The following MCTP1 variants were observed in gnomAD, a reference collection of about 807,000 sequenced individuals.
The protein encoded by MCTP1 is multiple C2 and transmembrane domain containing 1.
A neutral mutation model predicts 120.6 loss-of-function variants in MCTP1; 69 were observed. That is an observed-to-expected ratio of 0.57 (90% CI 0.47 to 0.70). The LOEUF (loss-of-function observed/expected upper bound fraction) is 0.70. MCTP1 is among the 30% of genes least tolerant of loss of function. The pLI, the probability that MCTP1 is intolerant of heterozygous loss-of-function variation, is 0.00. For synonymous variants in MCTP1, 529 were observed against 493.1 expected, an observed-to-expected ratio of 1.07 and a Z score of -0.96; for missense variants, 1,203 against 1,248.8, an observed-to-expected ratio of 0.96 and a Z score of 0.55.
chr5:94,779,357 G>T (rs886896788), intron 18 of MCTP1, among the ~76,000 whole-genome samples, 194 bp from the exon 19 acceptor site: 1 of 152,160 alleles, frequency 6.6e-6, no homozygotes, highest in African/African-American at 2.4e-5. Context: ...CCAAATCCCA[G>T]TTAGGAGAAC....
At chr5:94,773,060 G>T (rs1774443018) in intron 19 of MCTP1, among the ~76,000 whole-genome samples, 2 of 152,158 alleles carry the variant, frequency 1.3e-5, no homozygotes, top group Admixed American at 6.5e-5. Flanking sequence ...AAGTGAGTGG[G>T]CTATCAGTTC....
intron 1 of MCTP1, among the ~76,000 whole-genome samples, chr5:95,138,131 C>A (rs534444499): frequency 6.6e-6 from 1 of 151,658 alleles, no homozygotes; most frequent in African/African-American, 2.4e-5. Context: ...TCAAGTCATG[C>A]TCTTTTCTCA....
At chr5:94,825,736 C>CAT (rs372164216) in intron 17 of MCTP1, among the ~76,000 whole-genome samples, 4,027 of 151,004 alleles carry the variant, frequency 0.027, 65 homozygotes, top group African/African-American at 0.039. Flanking sequence ...GTATTGGGTG[C>CAT]ATATATATAT....
Position 94,821,029 on chromosome 5 carries a change from G to A in MCTP1, c.2437-21897C>T, listed in dbSNP as rs116080261. Among the ~76,000 whole-genome samples the A allele has an allele frequency of 5.4e-3, 825 of 152,198 alleles. 7 individuals are homozygous for A. Among genetic ancestry groups the A allele is most frequent in the African/African-American group, 0.019 (776 of 41,550 alleles). ...CAGCACTGTCAAATAGCTTGCTCAA[G>A]GCCACCCAGCAAGTAAATGGCATTT... is the stretch of plus-strand genomic sequence containing the variant. On this transcript the variant is annotated intron_variant, in intron 17 of 22. Transcript: ENST00000515393.
intron 1 of MCTP1, among the ~76,000 whole-genome samples, chr5:95,095,478 G>A (rs1756188441): frequency 6.6e-6 from 1 of 152,154 alleles, no homozygotes; most frequent in Non-Finnish European, 1.5e-5. Context: ...GAGATCACAG[G>A]GTAAAGAACA....
chr5:95,062,014 G>A (rs536769065), intron 1 of MCTP1, among the ~76,000 whole-genome samples: 2 of 152,298 alleles, frequency 1.3e-5, no homozygotes, highest in Admixed American at 1.3e-4. Context: ...AAGAACTTGA[G>A]ATTCAGAGAG....
chr5:95,154,882 C>T (rs1455285828), intron 1 of MCTP1, among the ~76,000 whole-genome samples: 1 of 151,600 alleles, frequency 6.6e-6, no homozygotes, highest in Non-Finnish European at 1.5e-5. Context: ...TAAGGTTAGC[C>T]TTGATGGATA....
At chr5:94,744,773 G>A (rs887380936) in intron 19 of MCTP1, among the ~76,000 whole-genome samples, 5 of 152,086 alleles carry the variant, frequency 3.3e-5, no homozygotes, top group African/African-American at 9.7e-5. Flanking sequence ...GGCCTCCAAC[G>A]TGCTGGGATT....
chr5:94,864,073 A>C (rs1345171708), intron 17 of MCTP1, among the ~76,000 whole-genome samples: 3 of 151,878 alleles, frequency 2.0e-5, no homozygotes, highest in African/African-American at 7.2e-5. Context: ...GCTTCGATGA[A>C]TTGCCATAGA....
chr5:95,061,408 G>GTTGTTTTTTTTTTTTTTTTTTTTTTTTT (rs1749067994), intron 1 of MCTP1, among the ~76,000 whole-genome samples: 1 of 33,488 alleles, frequency 3.0e-5, no homozygotes, highest in Non-Finnish European at 6.2e-5. Flanking sequence ...CCCCTTAAGG[G>GTTGTTTTTTTTTTTTTTTTTTTTTTTTT]TTTTTTTTTT....
rs1387961841 is a variant in MCTP1 at position 94,873,387 on chromosome 5, C to T, written c.1934-146G>A. On this transcript the variant is annotated intron_variant, in intron 12 of 22. Coordinates refer to ENST00000515393, the MANE Select transcript of MCTP1 (RefSeq NM_024717.7). ...TTTTAAAAATTAAAAAAAGAAACCA[C>T]CATCAAAATAGAGTTAGATGTAACT... is the stretch of plus-strand genomic sequence containing the variant. 3 of 507,622 alleles carry T rather than the reference C, an allele frequency of 5.9e-6. No individual in the cohort carries two copies. The East Asian group carries it at 9.6e-5, about 16-fold the overall frequency. The allele number at this position is 507,622 out of a possible 1,614,324, so 31.4% of individuals were successfully genotyped here. A position where few individuals can be genotyped will look rare whatever the true frequency, so the allele number is the denominator to read the frequency against.
In MCTP1 at chr5:94,736,416, G is replaced by A. The variant is rs1041139711; in HGVS notation, c.2611-21530C>T. Among the ~76,000 whole-genome samples, 96 of 152,266 alleles carry A rather than the reference G, an allele frequency of 6.3e-4. 1 individual carries two copies. The highest frequency in any genetic ancestry group is 2.3e-3 in the African/African-American group (94 of 41,556). On this transcript the variant is annotated intron_variant, in intron 19 of 22. Coordinates refer to ENST00000515393, the MANE Select transcript of MCTP1 (RefSeq NM_024717.7). Reference sequence around the variant, plus strand: ...GGGAATCACTTGAGCCTGGGAGGTCGAGGCTGCAGTGAGGCGAAATTGTGC... The same window carrying A: ...GGGAATCACTTGAGCCTGGGAGGTCAAGGCTGCAGTGAGGCGAAATTGTGC...
rs528839215 is a variant in MCTP1, at chr5:94,799,717, A to G, written c.2437-585T>C. Among the ~76,000 whole-genome samples, 3 of 152,304 alleles carry G rather than the reference A, an allele frequency of 2.0e-5. No individual in the cohort carries two copies. The East Asian group carries it at 5.8e-4, about 29-fold the overall frequency. ...CCATAGAAATCAAAGAGCTATTACA[A>G]GCAAATTTTGTCAAAACAAATTTTA... On this transcript the variant is annotated intron_variant, in intron 17 of 22. Coordinates refer to ENST00000515393, the MANE Select transcript of MCTP1 (RefSeq NM_024717.7).
chr5:94,881,837 GACGTGATTTTAAA>G (rs1310295235), intron 12 of MCTP1, among the ~76,000 whole-genome samples: 1 of 152,066 alleles, frequency 6.6e-6, no homozygotes, highest in African/African-American at 2.4e-5. Flanking sequence ...ATTCTCAATT[GACGTGATTTTAAA>G]ACGCCAGATA....
At chr5:95,045,508 C>T (rs1373307089) in intron 1 of MCTP1, among the ~76,000 whole-genome samples, 1 of 152,108 alleles carries the variant, frequency 6.6e-6, no homozygotes, top group East Asian at 1.9e-4. Context: ...TCGATGAAAG[C>T]TAGAGGCCTA....
chr5:94,912,339 T>A (rs1254506463), intron 9 of MCTP1, among the ~76,000 whole-genome samples: 1 of 144,702 alleles, frequency 6.9e-6, no homozygotes, highest in Non-Finnish European at 1.5e-5. Flanking sequence ...AGAGGAGAAT[T>A]GCTTGAACCC....
chr5:95,275,406 G>T (rs558712874), intron 1 of MCTP1, among the ~76,000 whole-genome samples: 1 of 152,140 alleles, frequency 6.6e-6, no homozygotes, highest in Admixed American at 6.5e-5. Context: ...GAGGGCAGGG[G>T]CTCCCTGGTC....
intron 2 of MCTP1, among the ~76,000 whole-genome samples, chr5:94,959,966 A>T (rs554035920): frequency 6.6e-6 from 1 of 152,126 alleles, no homozygotes; most frequent in East Asian, 1.9e-4. Context: ...AGCCAAGACA[A>T]TCCTAAGCAA....
chr5:94,848,462 G>A (rs928332218), intron 17 of MCTP1, among the ~76,000 whole-genome samples: 2 of 151,796 alleles, frequency 1.3e-5, no homozygotes, highest in African/African-American at 4.8e-5. Flanking sequence ...GCCAGCTGCA[G>A]CTTTAATAAC....
Sources: allele counts gnomAD v4.1 joint callset (sites outside exome capture counted in the v4.1 genomes callset), GRCh38; gene constraint gnomAD v4.1.1; transcripts MANE v1.5; gene names NCBI Gene and HGNC (gene_info 2026-07-23, HGNC 2026-07-21).